The following DDX4 variants were observed in gnomAD, a reference collection of about 807,000 sequenced individuals.
DDX4 encodes probable ATP-dependent RNA helicase DDX4.
A neutral mutation model predicts 100.0 loss-of-function variants in DDX4; 25 were observed. The observed-to-expected ratio is 0.25, with a 90% confidence interval of 0.18 to 0.35. The LOEUF is 0.35. Ranked by LOEUF, DDX4 falls within the 10% of genes least tolerant of loss-of-function variation. The probability of loss-of-function intolerance (pLI) is 1.00; values close to 1 mark genes in which losing one functional copy is unlikely to be tolerated. For synonymous variants in DDX4, 259 were observed against 275.7 expected (o/e 0.94, Z 0.60); for missense variants, 635 against 882.4 (o/e 0.72, Z 3.55).
At position 55,796,823 on chromosome 5, in the gene DDX4, C is replaced by CTTTTTTTTTTTTTTTTTTTTTTTTT. The variant is rs3990072; in HGVS notation, c.1470-1593_1470-1569dup. On this transcript the variant is annotated intron_variant, in intron 17 of 21. Transcript: ENST00000505374. ...TTTTCTTTTCTTTTTTTCTTTCTTT[C>CTTTTTTTTTTTTTTTTTTTTTTTTT]TTTTTTTTTTTTTTTTTTTTTTTTT... is the stretch of plus-strand genomic sequence containing the variant. Among the ~76,000 whole-genome samples, 121 of 59,940 alleles carry CTTTTTTTTTTTTTTTTTTTTTTTTT rather than the reference C, an allele frequency of 2.0e-3. 20 individuals carry two copies. The highest frequency in any genetic ancestry group is 2.9e-3 in the Non-Finnish European group (90 of 30,910). 39.3% of individuals were successfully genotyped at this position (59,940 alleles called of 152,430 possible). A position where few individuals can be genotyped will look rare whatever the true frequency, so the allele number is the denominator to read the frequency against.
intron 21 of DDX4, among the ~76,000 whole-genome samples, chr5:55,815,974 CAG>C: frequency 8.0e-6 from 1 of 124,268 alleles, no homozygotes; most frequent in East Asian, 2.5e-4. Flanking sequence ...TTAATAGAGA[CAG>C]GGTTTCACCA....
At chr5:55,751,956 G>C (rs1759579210) in intron 3 of DDX4, among the ~76,000 whole-genome samples, 1 of 151,960 alleles carries the variant, frequency 6.6e-6, no homozygotes, top group African/African-American at 2.4e-5. Flanking sequence ...GAATCATGGT[G>C]GCCATATTTA....
intron 7 of DDX4, among the ~76,000 whole-genome samples, chr5:55,770,653 T>G (rs1277137417): frequency 1.3e-5 from 2 of 152,150 alleles, no homozygotes; most frequent in Admixed American, 1.3e-4. Context: ...GCCCATTAGG[T>G]AGGTAGCTGG....
intron 17 of DDX4, among the ~76,000 whole-genome samples, chr5:55,797,447 A>C (rs1176458256): frequency 1.3e-5 from 2 of 152,222 alleles, no homozygotes; most frequent in African/African-American, 4.8e-5. Flanking sequence ...AGAATTTCAG[A>C]TGATTTCAAG....
At chr5:55,759,024 G>T (rs1760123723) in intron 3 of DDX4, among the ~76,000 whole-genome samples, 1 of 151,824 alleles carries the variant, frequency 6.6e-6, no homozygotes, top group Admixed American at 6.6e-5. Flanking sequence ...AAATAGCTGG[G>T]TCTACAGGTG....
rs1373339683 is a variant in DDX4 at position 55,798,681 on chromosome 5, GTCTC to G, written c.1615+115_1615+118del. On this transcript the variant is annotated intron_variant, in intron 18 of 21. Coordinates refer to ENST00000505374, the MANE Select transcript of DDX4 (RefSeq NM_024415.3). Reference sequence around the variant, plus strand: ...CTGACTTTTCATAAGTTTGTTTTAAGTCTCTCTCCCTCTAAAGCTCTTTTATAAA... The same window carrying G: ...CTGACTTTTCATAAGTTTGTTTTAAGTCTCCCTCTAAAGCTCTTTTATAAA... 6.9e-6 allele frequency: 7 copies of G among 1,018,464 alleles called. No homozygotes were observed. The East Asian group carries it at 1.4e-4, about 21-fold the overall frequency. 63.1% of individuals were successfully genotyped at this position (1,018,464 alleles called of 1,614,324 possible).
At chr5:55,793,452 A>C (rs1040571065) in intron 17 of DDX4, among the ~76,000 whole-genome samples, 1 of 152,150 alleles carries the variant, frequency 6.6e-6, no homozygotes, top group Non-Finnish European at 1.5e-5. Flanking sequence ...TTTTGACTTA[A>C]GATATTTTGG....
chr5:55,750,291 C>T, intron 3 of DDX4: 1 of 155,574 alleles, frequency 6.4e-6, no homozygotes. Flanking sequence ...GTGTTTTCTC[C>T]TTGATCTTAT....
At chr5:55,784,908 C>T (rs1742150117) in intron 10 of DDX4, among the ~76,000 whole-genome samples, 1 of 152,150 alleles carries the variant, frequency 6.6e-6, no homozygotes, top group Non-Finnish European at 1.5e-5. Context: ...TGATAGTACT[C>T]CCTATTTTTT....
At chr5:55,771,388 A>G (rs530861420) in intron 7 of DDX4, among the ~76,000 whole-genome samples, 25 of 152,186 alleles carry the variant, frequency 1.6e-4, no homozygotes, top group Non-Finnish European at 3.1e-4. Flanking sequence ...TATAAATGGA[A>G]TCATATAGTA....
intron 3 of DDX4, among the ~76,000 whole-genome samples, chr5:55,751,992 G>T (rs754441299): frequency 1.1e-4 from 17 of 152,170 alleles, no homozygotes; most frequent in Middle Eastern, 3.4e-3. Context: ...AAGACATAGT[G>T]TATGCAGTAT....
intron 18 of DDX4, among the ~76,000 whole-genome samples, chr5:55,807,175 G>C (rs371405444): frequency 6.6e-6 from 1 of 151,978 alleles, no homozygotes; most frequent in East Asian, 1.9e-4. Context: ...CATTTGCTTG[G>C]TAGATCTTCC....
intron 10 of DDX4, among the ~76,000 whole-genome samples, chr5:55,782,918 C>T (rs1446773138): frequency 1.3e-5 from 2 of 151,274 alleles, no homozygotes; most frequent in East Asian, 4.0e-4. Context: ...GCCTCAGCCT[C>T]CCTAGCAGCT....
intron 6 of DDX4, among the ~76,000 whole-genome samples, chr5:55,765,784 G>T (rs1224572743): frequency 2.6e-5 from 4 of 151,838 alleles, no homozygotes; most frequent in Non-Finnish European, 4.4e-5. Flanking sequence ...TTAGAACACG[G>T]CCAGGTACAT....
intron 3 of DDX4, among the ~76,000 whole-genome samples, chr5:55,756,114 A>G (rs1230703449): frequency 1.3e-5 from 2 of 152,104 alleles, no homozygotes; most frequent in Non-Finnish European, 2.9e-5. Context: ...ATTGATGGTC[A>G]TTTTTATAGT....
At chr5:55,793,336 A>ACTTCT (rs1203162827) in intron 17 of DDX4, among the ~76,000 whole-genome samples, 4 of 151,368 alleles carry the variant, frequency 2.6e-5, no homozygotes, top group Middle Eastern at 3.4e-3. Context: ...AGGAGCCAGA[A>ACTTCT]GTGCCCAGGC....
chr5:55,782,955 T>G (rs1160361771), intron 10 of DDX4, among the ~76,000 whole-genome samples: 1 of 151,678 alleles, frequency 6.6e-6, no homozygotes, highest in African/African-American at 2.4e-5. Flanking sequence ...CCACCACACC[T>G]GGCTAATTTT....
intron 7 of DDX4, among the ~76,000 whole-genome samples, chr5:55,775,766 TCAG>T (rs1218254359): frequency 6.6e-6 from 1 of 152,216 alleles, no homozygotes; most frequent in Non-Finnish European, 1.5e-5. Context: ...AGTTAGATTG[TCAG>T]CTGTCCCTTA....
intron 3 of DDX4, among the ~76,000 whole-genome samples, chr5:55,759,877 G>A (rs907247110): frequency 1.3e-5 from 2 of 152,014 alleles, no homozygotes; most frequent in Non-Finnish European, 2.9e-5. Context: ...ATTTAAGACT[G>A]TTTTCCATTT....
Sources: gnomAD v4.1 joint callset for allele counts (sites outside exome capture counted in the v4.1 genomes callset) on GRCh38, gnomAD v4.1.1 for gene constraint, MANE v1.5 for transcripts, NCBI Gene and HGNC (gene_info 2026-07-23, HGNC 2026-07-21) for gene names.